The following MPP1 variants were observed in gnomAD, a reference collection of about 807,000 sequenced individuals.
MPP1 encodes 55 kDa erythrocyte membrane protein.
MPP1 carries 6 observed loss-of-function variants against 38.2 expected under a neutral mutation model. The ratio of observed to expected loss-of-function variants is 0.16; its 90% CI spans 0.09 to 0.31. The LOEUF (loss-of-function observed/expected upper bound fraction) is 0.31. MPP1 is among the 10% of genes least tolerant of loss of function. The pLI is 1.00. For synonymous variants in MPP1, 153 were observed against 146.3 expected (o/e 1.05, Z -0.33); for missense variants, 293 against 368.9 (o/e 0.79, Z 1.69).
At chrX:154,797,976 C>G (rs2072215935) in intron 1 of MPP1, among the ~76,000 whole-genome samples, 3 of 112,102 alleles carry the variant, frequency 2.7e-5, no homozygotes, top group African/African-American at 9.7e-5. Flanking sequence ...AGATATTTCA[C>G]CAAAGAGGAT....
At chrX:154,795,797 T>C (rs2072189527) in intron 1 of MPP1, among the ~76,000 whole-genome samples, 1 of 111,530 alleles carries the variant, frequency 9.0e-6, no homozygotes, top group African/African-American at 3.3e-5. Flanking sequence ...ACATAAACTA[T>C]GTCTGGAAGG....
chrX:154,781,714 G>A lies in MPP1; in HGVS notation c.1035C>T (p.Ala345=). ...STEEMTRNIS[A]NEFLEFGSYQ... ...AGCTGCCAAACTCCAAGAACTCATT[G>A]GCAGAGATGTTCCTCGTCATCTCCT... The change falls in exon 10 of 12, where the codon GCC becomes GCT. Residue 345 remains alanine, a synonymous_variant. Transcript: ENST00000369534. 6 of 1,211,608 alleles carry A rather than the reference G, an allele frequency of 5.0e-6. No homozygotes were observed. Among genetic ancestry groups the A allele is most frequent in the Non-Finnish European group, 6.7e-6 (6 of 895,336 alleles).
intron 1 of MPP1, among the ~76,000 whole-genome samples, chrX:154,801,775 A>AC (rs2072266307): frequency 1.1e-5 from 1 of 87,696 alleles, no homozygotes. Flanking sequence ...AAAAAAAAAA[A>AC]AAAAAAAAAA....
At chrX:154,786,429 C>A (rs782805641) in intron 5 of MPP1, 29 bp from the exon 6 acceptor site, 2 of 1,174,745 alleles carry the variant, frequency 1.7e-6, no homozygotes, top group South Asian at 3.7e-5. Flanking sequence ...GAACTGCAGG[C>A]GGCAGCTTCA....
rs1482050291 is a variant in MPP1 at position 154,792,144 on chromosome X, T to A, written c.244A>T (p.Met82Leu). The A allele has an allele frequency of 8.3e-7, 1 of 1,208,648 alleles. No individual in the cohort carries two copies. Among genetic ancestry groups the A allele is most frequent in the African/African-American group, 1.8e-5 (1 of 57,140 alleles). Residue 82 changes from methionine to leucine, a missense_variant and splice_region_variant, in exon 2 of 12, where the codon ATG becomes TTG. Transcript: ENST00000369534. ...IQFEKVTEEP[M>L]GITLKLNEKQ... ...GCGACAATATGACGGGGGATTACCA[T>A]GGGCTCTTCTGTGACCTTCTCAAAC... is the stretch of plus-strand genomic sequence containing the variant.
chrX:154,786,948 C>T (rs1033582897), intron 5 of MPP1, among the ~76,000 whole-genome samples: 7 of 104,249 alleles, frequency 6.7e-5, no homozygotes, highest in Non-Finnish European at 1.4e-4. Context: ...CTTTCCACGT[C>T]AACGTGTCCA....
At chrX:154,788,391 CAT>C (rs1460601743) in intron 5 of MPP1, among the ~76,000 whole-genome samples, 3 of 111,387 alleles carry the variant, frequency 2.7e-5, no homozygotes, top group African/African-American at 9.8e-5. Flanking sequence ...TGGAAAAAAA[CAT>C]ATAAAAAGGA....
At position 154,792,341 on chromosome X, in the gene MPP1, A is replaced by G. The variant is rs138193107; in HGVS notation, c.103-56T>C. 983 of 1,144,286 alleles carry G rather than the reference A, an allele frequency of 8.6e-4. 3 individuals carry two copies. In the East Asian group the frequency reaches 0.011, roughly 13 times the overall value. 94.3% of individuals were successfully genotyped at this position (1,144,286 alleles called of 1,213,427 possible). A position where few individuals can be genotyped will look rare whatever the true frequency, so the allele number is the denominator to read the frequency against. ...GAAATCAGGAGCAAGGCCCACAGCC[A>G]GTCCACAATCTGCAATTCTAACATT... is the stretch of plus-strand genomic sequence containing the variant. On this transcript the variant is annotated intron_variant, in intron 1 of 11. Transcript: ENST00000369534.
intron 6 of MPP1, among the ~76,000 whole-genome samples, chrX:154,785,927 T>G (rs1311417774): frequency 2.7e-5 from 3 of 112,226 alleles, no homozygotes; most frequent in Non-Finnish European, 5.6e-5. Flanking sequence ...GAGGGCTCAG[T>G]CCCAGCACTG....
intron 1 of MPP1, 45 bp downstream of exon 1, chrX:154,805,227 C>G (rs782733460): frequency 8.8e-6 from 10 of 1,131,799 alleles, no homozygotes; most frequent in Non-Finnish European, 1.2e-5. Flanking sequence ...AGATGAATGG[C>G]CGAGCCCCGG....
chrX:154,793,942 T>A (rs1351702682), intron 1 of MPP1, among the ~76,000 whole-genome samples: 1 of 112,332 alleles, frequency 8.9e-6, no homozygotes, highest in Non-Finnish European at 1.9e-5. Flanking sequence ...TTCCTTAATT[T>A]GGAAAATTTC....
chrX:154,803,729 T>C (rs2072289812), intron 1 of MPP1, among the ~76,000 whole-genome samples: 1 of 112,593 alleles, frequency 8.9e-6, no homozygotes, highest in Non-Finnish European at 1.9e-5. Context: ...TTATTCTTTG[T>C]CATGATTGTG....
chrX:154,798,813 C>T (rs2072228925), intron 1 of MPP1, among the ~76,000 whole-genome samples: 1 of 111,648 alleles, frequency 9.0e-6, no homozygotes, highest in Admixed American at 9.4e-5. Context: ...CGGCTCACCA[C>T]AACTTCCGCC....
At chrX:154,801,082 T>A (rs1295377623) in intron 1 of MPP1, among the ~76,000 whole-genome samples, 3 of 112,560 alleles carry the variant, frequency 2.7e-5, no homozygotes, top group African/African-American at 9.7e-5. Flanking sequence ...CCCAGAGTTC[T>A]TTTTTAGCAA....
Position 154,786,290 on chromosome X carries a change from C to T in MPP1, c.591G>A (p.Lys197=), listed in dbSNP as rs1311386949. Reference sequence around the variant, plus strand: ...GTCCCTGCCACCAATTGCTGTCATCCTTGTTGATAATCTGGATAATGTCCC... The same window carrying T: ...GTCCCTGCCACCAATTGCTGTCATCTTTGTTGATAATCTGGATAATGTCCC... The part of the protein sequence containing the change: ...ATGDIIQIIN[K]DDSNWWQGRV... Residue 197 remains lysine (K), a synonymous_variant, in exon 6 of 12, where the codon AAG becomes AAA. Coordinates refer to ENST00000369534, the MANE Select transcript of MPP1 (RefSeq NM_002436.4). 7 of 1,211,848 alleles carry T rather than the reference C, an allele frequency of 5.8e-6. No individual in the cohort carries two copies. In the East Asian group the frequency reaches 2.1e-4, roughly 36 times the overall value.
intron 11 of MPP1, among the ~76,000 whole-genome samples, chrX:154,779,770 G>A (rs1411853940): frequency 8.8e-6 from 1 of 113,019 alleles, no homozygotes; most frequent in Non-Finnish European, 1.9e-5. Flanking sequence ...CCAGGCTGGA[G>A]TGCAGTGGCA....
At position 154,779,290 on chromosome X, in the gene MPP1, A is replaced by T; in HGVS notation, c.1288T>A (p.Phe430Ile). 1 of 1,211,435 alleles carries T rather than the reference A, an allele frequency of 8.3e-7. No individual in the cohort carries two copies. The highest frequency in any genetic ancestry group is 1.1e-6 in the Non-Finnish European group (1 of 895,150). The change falls in exon 12 of 12, where the codon TTT becomes ATT. Residue 430 changes from phenylalanine (F) to isoleucine (I), a missense_variant. Physicochemically the swap from Phe to Ile is conservative, Grantham distance 21. Coordinates refer to ENST00000369534, the MANE Select transcript of MPP1 (RefSeq NM_002436.4). Reference sequence around the variant, plus strand: ...CCATTATTGACCAGTGAGAGGTCAAAGTAGTGAGCGTACTGGCTGCGGATG... The same window carrying T: ...CCATTATTGACCAGTGAGAGGTCAATGTAGTGAGCGTACTGGCTGCGGATG... ...EAIRSQYAHY[F>I]DLSLVNNGVD...
In MPP1 at chrX:154,784,120, GA is replaced by G. The variant is rs782729851; in HGVS notation, c.785-13del. ...CAACTGATCAAAAACTAGAGACAAAGAAAACCAAGCAGTGTTCATTTCCAGA... is the reference window on the plus strand; with the variant it reads ...CAACTGATCAAAAACTAGAGACAAAGAAACCAAGCAGTGTTCATTTCCAGA... On this transcript the variant is annotated splice_polypyrimidine_tract_variant and intron_variant, in intron 7 of 11. Coordinates refer to ENST00000369534, the MANE Select transcript of MPP1 (RefSeq NM_002436.4). 1 of 1,190,041 alleles carries G rather than the reference GA, an allele frequency of 8.4e-7. No individual in the cohort carries two copies. The highest frequency in any genetic ancestry group is 1.1e-6 in the Non-Finnish European group (1 of 878,013).
In MPP1 at chrX:154,779,085, T is replaced by A; in HGVS notation, c.*92A>T. On this transcript the variant is annotated 3_prime_UTR_variant, in exon 12 of 12. Coordinates refer to ENST00000369534, the MANE Select transcript of MPP1 (RefSeq NM_002436.4). ...AGAGAGCTGGAAGCTGACACAAAAC[T>A]AGTTGGAGCAGCCCTGTTTGTCTTA... 1 of 866,596 alleles carries A rather than the reference T, an allele frequency of 1.2e-6. No homozygotes were observed. Among genetic ancestry groups the A allele is most frequent in the Non-Finnish European group, 1.6e-6 (1 of 618,853 alleles). The allele number at this position is 866,596 out of a possible 1,213,427, so 71.4% of individuals were successfully genotyped here.
Sources: gnomAD v4.1 joint callset for allele counts (sites outside exome capture counted in the v4.1 genomes callset) on GRCh38, gnomAD v4.1.1 for gene constraint, MANE v1.5 for transcripts, NCBI Gene and HGNC (gene_info 2026-07-23, HGNC 2026-07-21) for gene names.